The following WRN variants were observed in gnomAD, a reference collection of about 807,000 sequenced individuals.
WRN encodes bifunctional 3'-5' exonuclease/ATP-dependent helicase WRN.
Under a neutral mutation model 180.7 loss-of-function variants are expected in WRN, and 149 were observed. The observed-to-expected ratio is 0.82, with a 90% CI of 0.72 to 0.94. The LOEUF is 0.94. Among genes scored for constraint, WRN ranks in the 40% least tolerant of loss-of-function variants. The pLI is 0.00. For missense variants in WRN, 1,661 were observed against 1,700.1 expected, an observed-to-expected ratio of 0.98 and a Z score of 0.40; for synonymous variants, 548 against 568.9, an observed-to-expected ratio of 0.96 and a Z score of 0.52.
intron 3 of WRN, among the ~76,000 whole-genome samples, chr8:31,059,638 C>A (rs1007863685): frequency 6.6e-6 from 1 of 152,096 alleles, no homozygotes; most frequent in Non-Finnish European, 1.5e-5. Flanking sequence ...ATTATTTAAC[C>A]TTTAAATGCA....
chr8:31,111,852 T>TTA lies in WRN; in HGVS notation c.2273+53_2273+54insTA, dbSNP rs1801333484. ...GGTAATGATTTCCTTTTTTTTTTTT[T>TTA]AACAACTTATGTATTTTATGTTATT... On this transcript the variant is annotated intron_variant, in intron 19 of 34. Transcript: ENST00000298139. The TTA allele has an allele frequency of 3.3e-6, 5 of 1,501,730 alleles. No homozygotes were observed. The African/African-American group carries it at 5.6e-5, about 17-fold the overall frequency. 93.0% of individuals were successfully genotyped at this position (1,501,730 alleles called of 1,614,324 possible). A position where few individuals can be genotyped will look rare whatever the true frequency, so the allele number is the denominator to read the frequency against.
chr8:31,163,803 C>T (rs1368711428), intron 33 of WRN, among the ~76,000 whole-genome samples: 1 of 150,990 alleles, frequency 6.6e-6, no homozygotes, highest in Non-Finnish European at 1.5e-5. Context: ...TTGTAGCCTA[C>T]TTTTAAATCC....
chr8:31,168,528 G>T (rs1025857716), intron 34 of WRN, among the ~76,000 whole-genome samples: 1 of 142,960 alleles, frequency 7.0e-6, no homozygotes, highest in African/African-American at 2.7e-5. Context: ...GGGGGGGGTT[G>T]GGTGGGGAGA....
At chr8:31,171,212 C>T (rs1804087887) in intron 34 of WRN, 1 of 152,034 alleles carries the variant, frequency 6.6e-6, no homozygotes, top group Non-Finnish European at 1.5e-5. Flanking sequence ...GGGTTTCTTC[C>T]TCTGCTCTAT....
intron 23 of WRN, among the ~76,000 whole-genome samples, chr8:31,127,002 A>C (rs1801953597): frequency 6.6e-6 from 1 of 152,194 alleles, no homozygotes; most frequent in Non-Finnish European, 1.5e-5. Flanking sequence ...ATTTCTTGAT[A>C]ATCTCAAGCT....
At chr8:31,095,698 A>T (rs943053793) in intron 16 of WRN, among the ~76,000 whole-genome samples, 2 of 152,180 alleles carry the variant, frequency 1.3e-5, no homozygotes, top group African/African-American at 4.8e-5. Context: ...GACTACATAT[A>T]TGTGGGTCTA....
At chr8:31,039,062 C>T (rs1438388489) in intron 1 of WRN, among the ~76,000 whole-genome samples, 3 of 152,136 alleles carry the variant, frequency 2.0e-5, no homozygotes, top group East Asian at 3.9e-4. Flanking sequence ...ATTTGGGGTC[C>T]CTTGCAATTC....
intron 1 of WRN, among the ~76,000 whole-genome samples, chr8:31,055,051 G>A (rs927589171): frequency 1.3e-5 from 2 of 152,124 alleles, no homozygotes; most frequent in African/African-American, 2.4e-5. Flanking sequence ...GTACATGATC[G>A]TGTTCCTTTT....
At chr8:31,146,959 G>C in intron 28 of WRN, 94 bp from the exon 29 acceptor site, 1 of 1,067,076 alleles carries the variant, frequency 9.4e-7, no homozygotes, top group South Asian at 1.5e-5. Context: ...TGTTTGTACT[G>C]ATTTGGAAAG....
chr8:31,114,696 T>C (rs1415960236), intron 19 of WRN, among the ~76,000 whole-genome samples: 1 of 152,156 alleles, frequency 6.6e-6, no homozygotes, highest in African/African-American at 2.4e-5. Context: ...AGTTGCAGTT[T>C]TTTGTTGTTG....
rs1804163683 is a variant in WRN at position 31,173,058 on chromosome 8, A to G, written c.4255A>G (p.Lys1419Glu). ...GTTTGCCAAAGGAAGTGATACCAGC[A>G]AGAAATTAATGGACAAAACGAAAAG... The part of the protein sequence containing the change: ...VWFAKGSDTS[K>E]KLMDKTKRGG... Residue 1419 changes from lysine to glutamate, a missense_variant, in exon 35 of 35, where the codon AAG (lysine) becomes GAG (glutamate). Physicochemically the swap from Lys to Glu is moderately conservative, Grantham distance 56 (BLOSUM62 1). Transcript: ENST00000298139. The G allele has an allele frequency of 3.1e-6, 5 of 1,614,050 alleles. No homozygotes were observed. The highest frequency in any genetic ancestry group is 4.2e-6 in the Non-Finnish European group (5 of 1,179,962).
At chr8:31,120,212 T>C in intron 20 of WRN, 31 bp from the exon 21 acceptor site, 5 of 1,611,518 alleles carry the variant, frequency 3.1e-6, no homozygotes, top group Non-Finnish European at 4.2e-6. Context: ...GCTAAATATG[T>C]TTGTCAAACT....
At chr8:31,049,480 T>C (rs979737228) in intron 1 of WRN, among the ~76,000 whole-genome samples, 5 of 148,282 alleles carry the variant, frequency 3.4e-5, no homozygotes, top group Non-Finnish European at 5.9e-5. Context: ...TGCAGTGAGC[T>C]GTGACTGAGC....
At chr8:31,147,692 T>A in intron 30 of WRN, among the ~76,000 whole-genome samples, 1 of 152,152 alleles carries the variant, frequency 6.6e-6, no homozygotes, top group East Asian at 1.9e-4. Context: ...ATATTCAATA[T>A]TTATAAAATC....
At chr8:31,081,428 G>C in intron 9 of WRN, 132 bp downstream of exon 9, 3 of 935,898 alleles carry the variant, frequency 3.2e-6, no homozygotes, top group Non-Finnish European at 3.2e-6. Context: ...ACTCAGTTCT[G>C]TTATTGTAGT....
At chr8:31,056,315 T>A (rs1226560347) in intron 1 of WRN, among the ~76,000 whole-genome samples, 1 of 152,194 alleles carries the variant, frequency 6.6e-6, no homozygotes, top group East Asian at 1.9e-4. Flanking sequence ...ATTTTAAGAT[T>A]AAGAACTGAT....
At chr8:31,071,031 G>A (rs1585415953) in intron 7 of WRN, among the ~76,000 whole-genome samples, 1 of 140,264 alleles carries the variant, frequency 7.1e-6, no homozygotes, top group East Asian at 2.1e-4. Flanking sequence ...GCACAAGAGC[G>A]AGACTCTGTC....
intron 18 of WRN, among the ~76,000 whole-genome samples, chr8:31,105,358 C>G (rs1408664056): frequency 6.6e-6 from 1 of 152,178 alleles, no homozygotes; most frequent in African/African-American, 2.4e-5. Flanking sequence ...TCCTTCTCAT[C>G]TCCCTGACCT....
In WRN at chr8:31,081,264, T is replaced by C. The variant is rs1813300717; in HGVS notation, c.1237T>C (p.Tyr413His). Reference sequence around the variant, plus strand: ...TTTGGAACAGCAGTCTCAGGAAGAATATCTTAGTGATATTGCTTATAAATC... The same window carrying C: ...TTTGGAACAGCAGTCTCAGGAAGAACATCTTAGTGATATTGCTTATAAATC... ...QILEQQSQEE[Y>H]LSDIAYKSTE... The change falls in exon 9 of 35, where the codon TAT becomes CAT. Residue 413 changes from tyrosine to histidine, a missense_variant. Around this residue, in one of 3 missense-constraint regions of WRN, gnomAD observed 500 missense variants for 504.1 expected, o/e 0.99. Transcript: ENST00000298139. 1.2e-6 allele frequency: 2 copies of C among 1,613,286 alleles called. No homozygotes were observed. The highest frequency in any genetic ancestry group is 1.7e-6 in the Non-Finnish European group (2 of 1,179,448).
Sources: allele counts gnomAD v4.1 joint callset (sites outside exome capture counted in the v4.1 genomes callset), GRCh38; gene constraint gnomAD v4.1.1; regional missense constraint gnomAD v4.1.1; transcripts MANE v1.5; gene names NCBI Gene and HGNC (gene_info 2026-07-23, HGNC 2026-07-21).